The following GRIN2A variants were observed in gnomAD, a reference collection of about 807,000 sequenced individuals.
GRIN2A encodes the protein glutamate receptor ionotropic, NMDA 2A.
A neutral mutation model predicts 113.4 loss-of-function variants in GRIN2A; 22 were observed. That is an observed-to-expected ratio of 0.19 (90% CI 0.14 to 0.28). The LOEUF is 0.28. GRIN2A is among the 10% of genes least tolerant of loss of function. The probability of loss-of-function intolerance (pLI) is 1.00; values close to 1 mark genes in which losing one functional copy is unlikely to be tolerated. For synonymous variants in GRIN2A, 827 were observed against 738.4 expected (o/e 1.12, Z -1.94); for missense variants, 1,502 against 1,887.0 (o/e 0.80, Z 3.78).
chr16:9,882,491 C>A (rs548238985), intron 4 of GRIN2A, among the ~76,000 whole-genome samples: 91 of 152,156 alleles, frequency 6.0e-4, no homozygotes, highest in African/African-American at 2.0e-3. Context: ...TACTGTAGAC[C>A]AAAAAATAGA....
At chr16:10,098,828 A>G (rs1403261878) in intron 2 of GRIN2A, among the ~76,000 whole-genome samples, 1 of 152,166 alleles carries the variant, frequency 6.6e-6, no homozygotes, top group African/African-American at 2.4e-5. Context: ...GAGGAATAAA[A>G]GACTACAAAT....
chr16:9,981,940 C>T (rs1307515774), intron 2 of GRIN2A, among the ~76,000 whole-genome samples: 1 of 152,096 alleles, frequency 6.6e-6, no homozygotes, highest in Non-Finnish European at 1.5e-5. Flanking sequence ...ACATGTGCCA[C>T]CATGCCTAGC....
intron 4 of GRIN2A, among the ~76,000 whole-genome samples, chr16:9,856,637 A>C (rs1305580574): frequency 1.3e-5 from 2 of 151,896 alleles, no homozygotes; most frequent in Non-Finnish European, 2.9e-5. Context: ...AAAAAAAAAA[A>C]AAAAAAGATT....
rs778230379 is a variant in GRIN2A, at chr16:9,763,667, C to G, written c.3877G>C (p.Asp1293His). The part of the protein sequence containing the change: ...KLRISRQHSY[D>H]NIVDKPRELD... ...TCCCTAGGTTTGTCGACAATGTTAT[C>G]GTAGGAATGCTGACGGCTAATCCTT... The change falls in exon 13 of 13, where the codon GAT (aspartate) becomes CAT (histidine). Residue 1293 changes from aspartate (D) to histidine (H), a missense_variant. This residue lies in a region of GRIN2A where 832 missense variants were observed against 789.7 expected (regional missense o/e 1.05). Coordinates refer to ENST00000330684, the MANE Select transcript of GRIN2A (RefSeq NM_001134407.3). The G allele has an allele frequency of 1.2e-6, 2 of 1,613,528 alleles. No homozygotes were observed. The highest frequency in any genetic ancestry group is 1.3e-5 in the African/African-American group (1 of 74,902).
Position 9,938,439 on chromosome 16 carries a change from A to G in GRIN2A, c.527T>C (p.Ile176Thr). The G allele has an allele frequency of 6.2e-7, 1 of 1,613,858 alleles. No homozygotes were observed. The highest frequency in any genetic ancestry group is 8.5e-7 in the Non-Finnish European group (1 of 1,179,784). ...DWHVFSLVTT[I>T]FPGYREFISF... is the part of the protein sequence containing the mutation. ...GATGAATTCCCTGTAGCCAGGGAAGATAGTGGTCACCAGGGAGAAGACATG... is the reference window on the plus strand; with the variant it reads ...GATGAATTCCCTGTAGCCAGGGAAGGTAGTGGTCACCAGGGAGAAGACATG... Residue 176 changes from isoleucine to threonine, a missense_variant, in exon 3 of 13, where the codon ATC (isoleucine) becomes ACC (threonine). Transcript: ENST00000330684.
chr16:9,872,533 G>A (rs34004832), intron 4 of GRIN2A, among the ~76,000 whole-genome samples: 34,422 of 152,132 alleles, frequency 0.23, 4,048 homozygotes, highest in African/African-American at 0.25. Context: ...TCCATTTTCA[G>A]TGAGATGACA....
rs1312993952 is a variant in GRIN2A, at chr16:10,093,370, T to G, written c.414+86628A>C. Among the ~76,000 whole-genome samples the G allele has an allele frequency of 2.0e-5, 3 of 152,290 alleles. No homozygotes were observed. The East Asian group carries it at 5.8e-4, about 29-fold the overall frequency. On this transcript the variant is annotated intron_variant, in intron 2 of 12. Transcript: ENST00000330684. ...GGCACATCCCAGGTGTGTGTCCTGC[T>G]TCTCATCAGGCCTCCCCATCTTACT...
chr16:10,006,012 G>A (rs941754120), intron 2 of GRIN2A, among the ~76,000 whole-genome samples: 3 of 152,200 alleles, frequency 2.0e-5, no homozygotes, highest in African/African-American at 7.2e-5. Flanking sequence ...AGCAAAGACT[G>A]TTTTCCTTTC....
At chr16:9,839,777 G>A (rs2042641431) in intron 7 of GRIN2A, among the ~76,000 whole-genome samples, 1 of 152,118 alleles carries the variant, frequency 6.6e-6, no homozygotes, top group African/African-American at 2.4e-5. Context: ...CTGAATATGT[G>A]ATCATATTTT....
intron 2 of GRIN2A, among the ~76,000 whole-genome samples, chr16:9,959,803 A>G (rs1405539944): frequency 2.6e-5 from 4 of 152,172 alleles, no homozygotes; most frequent in African/African-American, 9.7e-5. Flanking sequence ...GTGAAACCCC[A>G]TCTCTACTAA....
intron 3 of GRIN2A, among the ~76,000 whole-genome samples, chr16:9,925,841 A>C (rs1484978536): frequency 2.0e-5 from 3 of 152,212 alleles, no homozygotes; most frequent in Admixed American, 1.3e-4. Flanking sequence ...ATCTCCAAGT[A>C]GTTAGAATTT....
rs77556965 is a variant in GRIN2A, at chr16:9,813,256, A to G, written c.2168+9008T>C. 4.5e-3 allele frequency among the ~76,000 whole-genome samples: 683 copies of G among 152,358 alleles called. 1 individual carries two copies. Among genetic ancestry groups the G allele is most frequent in the Non-Finnish European group, 7.6e-3 (515 of 68,034 alleles). Reference sequence around the variant, plus strand: ...TGGAAACTAAACAACAGAACTGTCTACTTTAATTGAGAAAAGCAAAACAAA... The same window carrying G: ...TGGAAACTAAACAACAGAACTGTCTGCTTTAATTGAGAAAAGCAAAACAAA... On this transcript the variant is annotated intron_variant, in intron 10 of 12. Coordinates refer to ENST00000330684, the MANE Select transcript of GRIN2A (RefSeq NM_001134407.3).
chr16:10,163,972 A>G (rs2049856320), intron 2 of GRIN2A, among the ~76,000 whole-genome samples: 1 of 152,194 alleles, frequency 6.6e-6, no homozygotes, highest in South Asian at 2.1e-4. Flanking sequence ...GGTTTTTGCA[A>G]AAGTCTGAGA....
intron 2 of GRIN2A, among the ~76,000 whole-genome samples, chr16:10,127,820 C>A (rs1326932216): frequency 1.3e-5 from 2 of 152,172 alleles, no homozygotes; most frequent in Non-Finnish European, 2.9e-5. Context: ...AAGAATTAAA[C>A]CTCGCCCAAA....
At chr16:10,044,309 G>A (rs2047223080) in intron 2 of GRIN2A, among the ~76,000 whole-genome samples, 1 of 151,846 alleles carries the variant, frequency 6.6e-6, no homozygotes, top group Non-Finnish European at 1.5e-5. Flanking sequence ...TGGGATTACG[G>A]GTGTGAGCCA....
chr16:9,807,439 GAGA>G, intron 10 of GRIN2A, among the ~76,000 whole-genome samples: 1 of 150,218 alleles, frequency 6.7e-6, no homozygotes, highest in Non-Finnish European at 1.5e-5. Context: ...AAGAGAGACA[GAGA>G]CAGAGAGAGA....
Position 10,077,601 on chromosome 16 carries a change from C to T in GRIN2A, c.414+102397G>A, listed in dbSNP as rs140988640. ...GTCCATGTTTATTATCTGCCCCAAA[C>T]CCTGCAATGGTGTTTCAGGCAAGAC... is the stretch of plus-strand genomic sequence containing the variant. On this transcript the variant is annotated intron_variant, in intron 2 of 12. Coordinates refer to ENST00000330684, the MANE Select transcript of GRIN2A (RefSeq NM_001134407.3). 9.7e-3 allele frequency among the ~76,000 whole-genome samples: 1,481 copies of T among 152,326 alleles called. 12 individuals are homozygous for T. Among genetic ancestry groups the T allele is most frequent in the Middle Eastern group, 0.027 (8 of 294 alleles).
At chr16:9,832,360 T>C (rs2042512152) in intron 8 of GRIN2A, among the ~76,000 whole-genome samples, 1 of 152,172 alleles carries the variant, frequency 6.6e-6, no homozygotes, top group African/African-American at 2.4e-5. Context: ...TAAAATTGTA[T>C]GTCACCCTTC....
At chr16:9,777,995 G>A (rs955061960) in intron 11 of GRIN2A, among the ~76,000 whole-genome samples, 1 of 152,238 alleles carries the variant, frequency 6.6e-6, no homozygotes, top group Non-Finnish European at 1.5e-5. Flanking sequence ...AACCTGGGAG[G>A]TGGAGGTTGC....
Sources: allele counts gnomAD v4.1 joint callset (sites outside exome capture counted in the v4.1 genomes callset), GRCh38; gene constraint gnomAD v4.1.1; regional missense constraint gnomAD v4.1.1; transcripts MANE v1.5; gene names NCBI Gene and HGNC (gene_info 2026-07-23, HGNC 2026-07-21).